The following FOXP4 variants were observed in gnomAD, a reference collection of about 807,000 sequenced individuals.
FOXP4 encodes the protein forkhead box P4.
Under a neutral mutation model 82.6 loss-of-function variants are expected in FOXP4, and 25 were observed. The observed-to-expected ratio is 0.30, with a 90% CI of 0.22 to 0.42. The LOEUF (loss-of-function observed/expected upper bound fraction) is 0.42, where lower values mean the gene tolerates loss of function less well. Ranked by LOEUF, FOXP4 falls within the 10% of genes least tolerant of loss-of-function variation. The pLI, the probability that FOXP4 is intolerant of heterozygous loss-of-function variation, is 1.00. For missense variants in FOXP4, 785 were observed against 900.9 expected (o/e 0.87, Z 1.65); for synonymous variants, 415 against 388.2 (o/e 1.07, Z -0.81).
chr6:41,583,368 G>C (rs982731743), intron 3 of FOXP4, among the ~76,000 whole-genome samples: 11 of 152,182 alleles, frequency 7.2e-5, no homozygotes, highest in Admixed American at 6.5e-5. Context: ...GCATTGAAAA[G>C]AGATCCAACT....
chr6:41,587,800 C>T lies in FOXP4; in HGVS notation c.880C>T (p.His294Tyr). The T allele has an allele frequency of 6.4e-7, 1 of 1,560,704 alleles. No homozygotes were observed. Among genetic ancestry groups the T allele is most frequent in the South Asian group, 1.2e-5 (1 of 84,844 alleles). Residue 294 changes from histidine (H) to tyrosine (Y), a missense_variant, in exon 8 of 17, where the codon CAC (histidine) becomes TAC (tyrosine). His to Tyr is a moderately conservative substitution (Grantham distance 83). Around this residue, in one of 3 missense-constraint regions of FOXP4, gnomAD observed 570 missense variants for 634.0 expected, o/e 0.90. Transcript: ENST00000307972. ...TCCCTGCTGTCCTCCCAGCTCTTCC[C>T]ACGAGGAGACCCCCGGCTCCCACCC... ...VLTSRRDSSS[H>Y]EETPGSHPLY...
At chr6:41,561,500 T>TC (rs1454958677) in intron 1 of FOXP4, among the ~76,000 whole-genome samples, 1 of 152,144 alleles carries the variant, frequency 6.6e-6, no homozygotes, top group Non-Finnish European at 1.5e-5. Flanking sequence ...AACCAGATGG[T>TC]CTAATTCTCA....
chr6:41,597,888 C>A lies in FOXP4; in HGVS notation c.1833C>A (p.Pro611=). 1 of 1,590,690 alleles carries A rather than the reference C, an allele frequency of 6.3e-7. No individual in the cohort carries two copies. The highest frequency in any genetic ancestry group is 8.5e-7 in the Non-Finnish European group (1 of 1,173,956). The change falls in exon 16 of 17, where the codon CCC becomes CCA. Residue 611 remains proline, a synonymous_variant. Coordinates refer to ENST00000307972, the MANE Select transcript of FOXP4 (RefSeq NM_001012426.2). ...TCAGCCACGATGACGTGGGTGCCCC[C>A]GTGGAGCCGCTGCCCAGCAACGGCA... ...LPLSHDDVGA[P]VEPLPSNGSS... is the part of the protein sequence containing the mutation.
At chr6:41,585,613 T>A in intron 5 of FOXP4, 96 bp downstream of exon 5, 1 of 1,082,752 alleles carries the variant, frequency 9.2e-7, no homozygotes, top group Non-Finnish European at 1.3e-6. Flanking sequence ...GCAGGAATAG[T>A]AGAAAAATCT....
chr6:41,587,023 G>T lies in FOXP4; in HGVS notation c.525G>T (p.Lys175Asn). 6.3e-7 allele frequency: 1 copy of T among 1,593,660 alleles called. No individual in the cohort carries two copies. Among genetic ancestry groups the T allele is most frequent in the Non-Finnish European group, 8.6e-7 (1 of 1,166,190 alleles). The part of the protein sequence containing the change: ...KPQPKEALGN[K>N]QLAFQQQLLQ... ...CCCCTCACCAGGCACTGGGGAACAA[G>T]CAGCTGGCCTTCCAGCAGCAGCTCC... The change falls in exon 6 of 17, where the codon AAG becomes AAT. Residue 175 changes from lysine to asparagine, a missense_variant. Lys to Asn is a moderately conservative substitution (Grantham distance 94). Around this residue, in one of 3 missense-constraint regions of FOXP4, gnomAD observed 570 missense variants for 634.0 expected, o/e 0.90. Coordinates refer to ENST00000307972, the MANE Select transcript of FOXP4 (RefSeq NM_001012426.2).
intron 13 of FOXP4, among the ~76,000 whole-genome samples, chr6:41,592,059 G>A (rs1352374256): frequency 3.9e-5 from 6 of 151,958 alleles, no homozygotes; most frequent in African/African-American, 1.5e-4. Flanking sequence ...GAGAGTGGGC[G>A]GGGCGGGGGG....
intron 3 of FOXP4, among the ~76,000 whole-genome samples, chr6:41,579,557 G>A (rs917308307): frequency 1.3e-5 from 2 of 152,120 alleles, no homozygotes; most frequent in Non-Finnish European, 2.9e-5. Context: ...TAGTGGGAGG[G>A]ACTGGGGTAA....
Position 41,591,391 on chromosome 6 carries a change from A to C in FOXP4, c.1536+69A>C. The C allele has an allele frequency of 6.0e-6, 8 of 1,326,492 alleles. No homozygotes were observed. Among genetic ancestry groups the C allele is most frequent in the African/African-American group, 1.4e-5 (1 of 68,978 alleles). 82.2% of individuals were successfully genotyped at this position (1,326,492 alleles called of 1,614,324 possible). On this transcript the variant is annotated intron_variant, in intron 13 of 16. Transcript: ENST00000307972. This position sits in a 1 kb window ranked among gnomAD's most constrained non-coding sequence, Gnocchi z 4.2. Reference sequence around the variant, plus strand: ...GACCTGCCATATCCCATGGAGACCAAGGCTGCCTAACAATTAGTTCCCTAA... The same window carrying C: ...GACCTGCCATATCCCATGGAGACCACGGCTGCCTAACAATTAGTTCCCTAA...
rs61748653 is a variant in FOXP4, at chr6:41,589,773, C to G, written c.1068C>G (p.Leu356=). ...MQVVQQLEIQ[L]AKESERLQAM... ...TCCTGCTTTGCCACCCTCCACAGCTCGCCAAGGAGAGCGAGCGGCTGCAGG... is the reference window on the plus strand; with the variant it reads ...TCCTGCTTTGCCACCCTCCACAGCTGGCCAAGGAGAGCGAGCGGCTGCAGG... Residue 356 remains leucine (L), a splice_region_variant and synonymous_variant, in exon 10 of 17, where the codon CTC becomes CTG. Transcript: ENST00000307972. The G allele has an allele frequency of 5.6e-5, 90 of 1,611,178 alleles. No homozygotes were observed. In the African/African-American group the frequency reaches 1.0e-3, roughly 18 times the overall value.
intron 1 of FOXP4, among the ~76,000 whole-genome samples, chr6:41,549,883 C>G (rs1262295332): frequency 6.6e-6 from 1 of 152,186 alleles, no homozygotes; most frequent in Non-Finnish European, 1.5e-5. Context: ...TTTCCTGTCT[C>G]TCCAGCCACA....
rs549851637 is a variant in FOXP4, at chr6:41,581,237, C to G, written c.300+3156C>G. Among the ~76,000 whole-genome samples, 7 of 152,364 alleles carry G rather than the reference C, an allele frequency of 4.6e-5. No homozygotes were observed. In the South Asian group the frequency reaches 1.5e-3, roughly 32 times the overall value. On this transcript the variant is annotated intron_variant, in intron 3 of 16. Transcript: ENST00000307972. ...GGCCTGATCTCCCCACATTGCCCCC[C>G]ACTCACAGGGACCCCATACTCAAGA...
At chr6:41,574,792 G>A (rs555822424) in intron 2 of FOXP4, among the ~76,000 whole-genome samples, 8 of 152,230 alleles carry the variant, frequency 5.3e-5, no homozygotes, top group Admixed American at 3.3e-4. Context: ...GACCCTCCTC[G>A]TTCACCGTGT....
chr6:41,550,765 T>C (rs182208744), intron 1 of FOXP4, among the ~76,000 whole-genome samples: 101 of 152,262 alleles, frequency 6.6e-4, no homozygotes, highest in Non-Finnish European at 9.1e-4. Context: ...CCTGGAGCAT[T>C]CCCCAGGCAC....
Position 41,576,058 on chromosome 6 carries a change from C to G in FOXP4, c.205-1928C>G, listed in dbSNP as rs904770283. Among the ~76,000 whole-genome samples the G allele has an allele frequency of 4.0e-5, 6 of 151,714 alleles. No individual in the cohort carries two copies. The East Asian group carries it at 5.8e-4, about 15-fold the overall frequency. ...CCCTTCCTCACCCGCAACCCCCCCC[C>G]CCACCCTTCCTCCTCTTTCCGCAGA... is the stretch of plus-strand genomic sequence containing the variant. On this transcript the variant is annotated intron_variant, in intron 2 of 16. Coordinates refer to ENST00000307972, the MANE Select transcript of FOXP4 (RefSeq NM_001012426.2).
In FOXP4 at chr6:41,590,356, G is replaced by A. The variant is rs1351148973; in HGVS notation, c.1434+9G>A. 4.3e-6 allele frequency: 7 copies of A among 1,613,390 alleles called. No homozygotes were observed. The highest frequency in any genetic ancestry group is 2.2e-5 in the South Asian group (2 of 90,998). ...CCTCCCTCATCCGCCAGGTGAGCAG[G>A]GCAGGTAGGAGGAGGGTGGGGAATG... On this transcript the variant is annotated intron_variant, in intron 12 of 16. Coordinates refer to ENST00000307972, the MANE Select transcript of FOXP4 (RefSeq NM_001012426.2).
chr6:41,584,456 C>T (rs542660786), intron 3 of FOXP4, among the ~76,000 whole-genome samples: 36 of 152,348 alleles, frequency 2.4e-4, no homozygotes, highest in South Asian at 4.1e-4. Context: ...GACAGCCCGT[C>T]CTATGATAAT....
chr6:41,585,920 A>C (rs1581768047), intron 5 of FOXP4, among the ~76,000 whole-genome samples: 2 of 145,106 alleles, frequency 1.4e-5, no homozygotes, highest in Admixed American at 6.8e-5. Flanking sequence ...TCAGCAAACC[A>C]CCTCCCCTTA....
Position 41,565,885 on chromosome 6 carries a change from C to A in FOXP4, c.125C>A (p.Thr42Lys), listed in dbSNP as rs370054490. Residue 42 changes from threonine to lysine, a missense_variant, in exon 2 of 17, where the codon ACG becomes AAG. Physicochemically the swap from Thr to Lys is moderately conservative, Grantham distance 78. Coordinates refer to ENST00000307972, the MANE Select transcript of FOXP4 (RefSeq NM_001012426.2). ...GGATGTTASG[T>K]GREVTTGADS... Reference sequence around the variant, plus strand: ...GCCACAGGGACAACTGCAAGTGGCACGGGCAGGGAAGTGACCACGGGTGCA... The same window carrying A: ...GCCACAGGGACAACTGCAAGTGGCAAGGGCAGGGAAGTGACCACGGGTGCA... 2.9e-5 allele frequency: 47 copies of A among 1,613,844 alleles called. No homozygotes were observed. Among genetic ancestry groups the A allele is most frequent in the African/African-American group, 1.9e-4 (14 of 74,926 alleles).
chr6:41,549,743 T>A (rs1049912567), intron 1 of FOXP4, among the ~76,000 whole-genome samples: 1 of 83,556 alleles, frequency 1.2e-5, no homozygotes, highest in Admixed American at 1.3e-4. Context: ...GGGGGGAGGG[T>A]GGAGGGGAGA....
Sources: gnomAD v4.1 joint callset for allele counts (sites outside exome capture counted in the v4.1 genomes callset) on GRCh38, gnomAD v4.1.1 for gene constraint, gnomAD v4.1.1 regional missense constraint, Gnocchi (gnomAD v3.1) non-coding constraint, MANE v1.5 for transcripts, NCBI Gene and HGNC (gene_info 2026-07-23, HGNC 2026-07-21) for gene names.